CPSF3: variants seen among roughly 807,000 people sequenced by gnomAD.
The protein encoded by CPSF3 is cleavage and polyadenylation specificity factor subunit 3.
Under a neutral mutation model 84.1 loss-of-function variants are expected in CPSF3, and 57 were observed. The observed-to-expected ratio is 0.68, with a 90% CI of 0.55 to 0.85. The LOEUF is 0.85. CPSF3 is among the 40% of genes least tolerant of loss of function. CPSF3 has a pLI of 0.00. For synonymous variants in CPSF3, 275 were observed against 278.1 expected, an observed-to-expected ratio of 0.99 and a Z score of 0.11; for missense variants, 522 against 838.8, an observed-to-expected ratio of 0.62 and a Z score of 4.66.
chr2:9,447,921 A>T (rs1681180341), intron 10 of CPSF3, among the ~76,000 whole-genome samples: 1 of 152,220 alleles, frequency 6.6e-6, no homozygotes, highest in Non-Finnish European at 1.5e-5. Context: ...GCAGTGAAAC[A>T]TGGAAAAGGC....
intron 11 of CPSF3, among the ~76,000 whole-genome samples, chr2:9,451,148 G>A (rs6718617): frequency 0.26 from 38,743 of 151,696 alleles, 6,064 homozygotes; most frequent in African/African-American, 0.45. Context: ...GTTTCTTATC[G>A]GAGTGTTCTG....
intron 7 of CPSF3, among the ~76,000 whole-genome samples, chr2:9,436,774 A>AATAATAATAATAATAATAAT (rs1680798172): frequency 7.7e-5 from 11 of 143,036 alleles, no homozygotes; most frequent in Non-Finnish European, 1.7e-4. Flanking sequence ...CCATCTCAAA[A>AATAATAATAATAATAATAAT]AATAATAATA....
chr2:9,423,845 G>A (rs1489486262), intron 1 of CPSF3, 22 bp downstream of exon 1: 1 of 1,611,426 alleles, frequency 6.2e-7, no homozygotes, highest in Non-Finnish European at 8.5e-7. Flanking sequence ...GCGAGAGAGG[G>A]AATGAAGCCA....
intron 15 of CPSF3, among the ~76,000 whole-genome samples, chr2:9,466,394 A>ACGCG (rs1443586496): frequency 5.5e-5 from 8 of 145,684 alleles, no homozygotes; most frequent in Non-Finnish European, 1.2e-4. Context: ...ACACACGCGC[A>ACGCG]CACACACGCA....
intron 12 of CPSF3, among the ~76,000 whole-genome samples, chr2:9,454,706 G>A (rs920950647): frequency 4.6e-5 from 7 of 151,574 alleles, no homozygotes; most frequent in African/African-American, 1.7e-4. Context: ...CACCATGCCC[G>A]GCTAATTTTT....
chr2:9,468,025 G>C (rs926447847), intron 16 of CPSF3: 3 of 376,492 alleles, frequency 8.0e-6, no homozygotes, highest in Non-Finnish European at 1.4e-5. Context: ...TGCTGGCACA[G>C]GGCTGGCACA....
intron 6 of CPSF3, 111 bp downstream of exon 6, chr2:9,434,071 AC>A: frequency 1.5e-6 from 1 of 652,164 alleles, no homozygotes; most frequent in Non-Finnish European, 2.6e-6. Context: ...ATATAAACTT[AC>A]CTTTTTTAAA....
intron 6 of CPSF3, among the ~76,000 whole-genome samples, 173 bp downstream of exon 6, chr2:9,434,133 C>T (rs1025398382): frequency 1.3e-5 from 2 of 151,992 alleles, no homozygotes; most frequent in African/African-American, 4.8e-5. Flanking sequence ...GTAATCCTAG[C>T]GCTTTGGGAG....
At chr2:9,431,707 C>T (rs967574468) in intron 4 of CPSF3, among the ~76,000 whole-genome samples, 20 of 151,844 alleles carry the variant, frequency 1.3e-4, no homozygotes, top group East Asian at 3.9e-4. Flanking sequence ...CATACCACCA[C>T]GCCTGGCTAA....
At position 9,441,875 on chromosome 2, in the gene CPSF3, A is replaced by G. The variant is rs373037863; in HGVS notation, c.994A>G (p.Met332Val). The change falls in exon 9 of 18, where the codon ATG (methionine) becomes GTG (valine). Residue 332 changes from methionine to valine, a missense_variant. Physicochemically the swap from Met to Val is conservative, Grantham distance 21. Coordinates refer to ENST00000238112, the MANE Select transcript of CPSF3 (RefSeq NM_016207.4). The stretch of plus-strand genomic sequence containing the variant: ...TGTTGTAATGGCCTCCCCAGGCATG[A>G]TGCAAAGTGGCTTATCCAGAGAATT... ...PSVVMASPGM[M>V]QSGLSRELFE... 2.0e-5 allele frequency: 33 copies of G among 1,614,066 alleles called. No individual in the cohort carries two copies. Among genetic ancestry groups the G allele is most frequent in the African/African-American group, 2.7e-5 (2 of 74,932 alleles).
In CPSF3 at chr2:9,441,818, A is replaced by G; in HGVS notation, c.937A>G (p.Ser313Gly). The change falls in exon 9 of 18, where the codon AGC (serine) becomes GGC (glycine). Residue 313 changes from serine (S) to glycine (G), a missense_variant and splice_region_variant. Physicochemically the swap from Ser to Gly is moderately conservative, Grantham distance 56 (BLOSUM62 0). Coordinates refer to ENST00000238112, the MANE Select transcript of CPSF3 (RefSeq NM_016207.4). ...TTTCCCATTCTGTTTTCTCTCTTAG[A>G]GCATGGATCATTTTGATGACATTGG... is the stretch of plus-strand genomic sequence containing the variant. ...FVFKHISNLKSMDHFDDIGPS... is the reference protein window; with the variant it reads ...FVFKHISNLKGMDHFDDIGPS... 6.2e-7 allele frequency: 1 copy of G among 1,614,062 alleles called. No homozygotes were observed. The highest frequency in any genetic ancestry group is 8.5e-7 in the Non-Finnish European group (1 of 1,180,008).
At position 9,433,957 on chromosome 2, in the gene CPSF3, C is replaced by T. The variant is rs267599494; in HGVS notation, c.606C>T (p.Ile202=). The T allele has an allele frequency of 6.5e-7, 1 of 1,534,046 alleles. No homozygotes were observed. The highest frequency in any genetic ancestry group is 9.0e-7 in the Non-Finnish European group (1 of 1,108,734). The change falls in exon 6 of 18, where the codon ATC becomes ATT. Residue 202 remains isoleucine, a synonymous_variant. Transcript: ENST00000238112. ...CTAATATTAAGCCTGATATTCTTAT[C>T]ATTGTAAGTATTAATATACTATATT... ...EIPNIKPDIL[I]IESTYGTHIH...
chr2:9,430,688 T>C, intron 3 of CPSF3, 64 bp from the exon 4 acceptor site: 2 of 1,488,414 alleles, frequency 1.3e-6, no homozygotes, highest in Non-Finnish European at 1.8e-6. Flanking sequence ...TAAGCAACAG[T>C]TTCATTACAT....
chr2:9,426,860 A>AG (rs1205943771), intron 1 of CPSF3, among the ~76,000 whole-genome samples: 3 of 132,854 alleles, frequency 2.3e-5, no homozygotes, highest in African/African-American at 9.1e-5. Context: ...TGGGCAACAT[A>AG]GGGGGACCTT....
intron 11 of CPSF3, among the ~76,000 whole-genome samples, chr2:9,449,521 C>T (rs551783697): frequency 3.3e-5 from 5 of 152,212 alleles, no homozygotes; most frequent in Admixed American, 1.3e-4. Context: ...TCAGGCGAAT[C>T]GCTTTAGCTC....
intron 15 of CPSF3, among the ~76,000 whole-genome samples, chr2:9,466,388 A>ACG (rs1243481898): frequency 2.6e-5 from 2 of 78,158 alleles, no homozygotes; most frequent in African/African-American, 6.7e-5. Flanking sequence ...ACTCGCACAC[A>ACG]CGCGCACACA....
At chr2:9,441,760 A>T in intron 8 of CPSF3, 58 bp from the exon 9 acceptor site, 1 of 1,544,672 alleles carries the variant, frequency 6.5e-7, no homozygotes, top group Non-Finnish European at 8.9e-7. Context: ...AAAAAGAAAG[A>T]ATGCTTTGTC....
intron 10 of CPSF3, among the ~76,000 whole-genome samples, chr2:9,446,555 T>C (rs964833373): frequency 1.5e-5 from 2 of 131,680 alleles, no homozygotes; most frequent in African/African-American, 5.8e-5. Flanking sequence ...GACTCTAGCC[T>C]GGGCGACGGA....
chr2:9,436,378 G>T lies in CPSF3; in HGVS notation c.760+17G>T, dbSNP rs759599307. The T allele has an allele frequency of 1.9e-6, 3 of 1,583,688 alleles. No homozygotes were observed. The Admixed American group carries it at 5.7e-5, about 30-fold the overall frequency. On this transcript the variant is annotated intron_variant, in intron 7 of 17. Coordinates refer to ENST00000238112, the MANE Select transcript of CPSF3 (RefSeq NM_016207.4). ...TGATTCTAGGTATGCCATTTCCTTT[G>T]TATTTAGGCGATGATCAAAATCTTG...
Sources: gnomAD v4.1 joint callset for allele counts (sites outside exome capture counted in the v4.1 genomes callset) on GRCh38, gnomAD v4.1.1 for gene constraint, MANE v1.5 for transcripts, NCBI Gene and HGNC (gene_info 2026-07-23, HGNC 2026-07-21) for gene names.